Variants in DLG1 observed in about 807,000 individuals in gnomAD.
DLG1 encodes disks large homolog 1.
A neutral mutation model predicts 123.4 loss-of-function variants in DLG1; 42 were observed. The observed-to-expected ratio is 0.34, with a 90% CI of 0.27 to 0.44. The LOEUF is 0.44. Among genes scored for constraint, DLG1 ranks in the 20% least tolerant of loss-of-function variants. The pLI is 1.00. For missense variants in DLG1, 942 were observed against 1,082.6 expected, an observed-to-expected ratio of 0.87 and a Z score of 1.82; for synonymous variants, 317 against 356.2, an observed-to-expected ratio of 0.89 and a Z score of 1.24.
intron 8 of DLG1, among the ~76,000 whole-genome samples, chr3:197,139,323 A>T (rs1011901250): frequency 1.3e-5 from 2 of 152,188 alleles, no homozygotes; most frequent in African/African-American, 4.8e-5. Context: ...ATGAATGGTC[A>T]AATGATTAAT....
At chr3:197,272,271 A>G (rs1764223770) in intron 4 of DLG1, among the ~76,000 whole-genome samples, 1 of 152,042 alleles carries the variant, frequency 6.6e-6, no homozygotes, top group South Asian at 2.1e-4. Context: ...GGATAGCTTG[A>G]GCCCGTTAGT....
chr3:197,216,128 TTAAGA>T (rs756322479), intron 4 of DLG1, among the ~76,000 whole-genome samples: 8 of 152,230 alleles, frequency 5.3e-5, no homozygotes, highest in Non-Finnish European at 1.2e-4. Context: ...TTACTCTTTC[TTAAGA>T]TATTTCATAT....
intron 4 of DLG1, among the ~76,000 whole-genome samples, chr3:197,277,925 C>T (rs969206297): frequency 1.3e-5 from 2 of 151,622 alleles, no homozygotes; most frequent in Non-Finnish European, 2.9e-5. Flanking sequence ...CTGGAGACCA[C>T]CACCAGGAGT....
intron 3 of DLG1, among the ~76,000 whole-genome samples, chr3:197,292,208 G>A (rs1775270544): frequency 6.6e-6 from 1 of 152,184 alleles, no homozygotes; most frequent in African/African-American, 2.4e-5. Flanking sequence ...CCAGGAGGAG[G>A]AAGCAACCCA....
chr3:197,275,243 A>G (rs771952334), intron 4 of DLG1, among the ~76,000 whole-genome samples: 39 of 152,184 alleles, frequency 2.6e-4, no homozygotes, highest in Non-Finnish European at 4.4e-4. Context: ...GCTATTATCA[A>G]AAAGACCATA....
Position 197,043,027 on chromosome 3 carries a change from A to G in DLG1, c.*1596T>C, listed in dbSNP as rs1721076124. On this transcript the variant is annotated 3_prime_UTR_variant, in exon 25 of 25. Coordinates refer to ENST00000667157, the MANE Select transcript of DLG1 (RefSeq NM_001366207.1). ...CAAACCAGTACTCATTTAAGAAACT[A>G]ATGAGGAGGTTGTCAAAAACACATA... 6.6e-6 allele frequency: 1 copy of G among 152,236 alleles called. No individual in the cohort carries two copies. The highest frequency in any genetic ancestry group is 2.4e-5 in the African/African-American group (1 of 41,460). The allele number at this position is 152,236 out of a possible 1,614,324, so 9.4% of individuals were successfully genotyped here.
chr3:197,193,425 C>T (rs1720711749), intron 5 of DLG1, among the ~76,000 whole-genome samples: 1 of 152,184 alleles, frequency 6.6e-6, no homozygotes, highest in Non-Finnish European at 1.5e-5. Flanking sequence ...CTGGAAATGA[C>T]ACAGCTACTG....
At chr3:197,292,263 C>A (rs1283537832) in intron 3 of DLG1, among the ~76,000 whole-genome samples, 1 of 152,156 alleles carries the variant, frequency 6.6e-6, no homozygotes, top group African/African-American at 2.4e-5. Context: ...TATATACATA[C>A]AACGGAATAT....
intron 4 of DLG1, among the ~76,000 whole-genome samples, chr3:197,244,642 T>C (rs544045023): frequency 6.6e-6 from 1 of 151,900 alleles, no homozygotes; most frequent in South Asian, 2.1e-4. Flanking sequence ...CTCGGAACAA[T>C]AGCGCATGAC....
intron 4 of DLG1, among the ~76,000 whole-genome samples, chr3:197,237,278 A>G (rs925347664): frequency 6.6e-6 from 1 of 152,222 alleles, no homozygotes; most frequent in African/African-American, 2.4e-5. Context: ...TAGAACCCTA[A>G]GGAAGACACG....
Position 197,043,850 on chromosome 3 carries a change from C to A in DLG1, c.*773G>T, listed in dbSNP as rs1230503471. 6.6e-6 allele frequency: 1 copy of A among 152,054 alleles called. No individual in the cohort carries two copies. Among genetic ancestry groups the A allele is most frequent in the African/African-American group, 2.4e-5 (1 of 41,418 alleles). The allele number at this position is 152,054 out of a possible 1,614,324, so 9.4% of individuals were successfully genotyped here. A position where few individuals can be genotyped will look rare whatever the true frequency, so the allele number is the denominator to read the frequency against. On this transcript the variant is annotated 3_prime_UTR_variant, in exon 25 of 25. Transcript: ENST00000667157. ...TTTATATCTAGGAAATTTTCTCAAT[C>A]TTCTGTGTAAAAGGCGAACTTCCTT... is the stretch of plus-strand genomic sequence containing the variant.
At chr3:197,116,392 A>G (rs1773324450) in intron 12 of DLG1, among the ~76,000 whole-genome samples, 1 of 152,186 alleles carries the variant, frequency 6.6e-6, no homozygotes, top group Non-Finnish European at 1.5e-5. Flanking sequence ...ACTCATGAAA[A>G]GCTGATGTTG....
chr3:197,224,910 C>A (rs145628106), intron 4 of DLG1, among the ~76,000 whole-genome samples: 139 of 152,274 alleles, frequency 9.1e-4, no homozygotes, highest in African/African-American at 3.2e-3. Flanking sequence ...CCAAATACTA[C>A]GTTAGAGGGC....
At chr3:197,245,379 T>C (rs1751117801) in intron 4 of DLG1, among the ~76,000 whole-genome samples, 1 of 152,188 alleles carries the variant, frequency 6.6e-6, no homozygotes, top group African/African-American at 2.4e-5. Flanking sequence ...AGTAGATACT[T>C]TAGGCGGCCT....
chr3:197,084,988 C>T lies in DLG1; in HGVS notation c.1838+592G>A, dbSNP rs962778362. ...TTTTAGTAGAGACAGGCTTTCACCACGTTGGCCAGGCTCGTCTTGAACTCC... is the reference window on the plus strand; with the variant it reads ...TTTTAGTAGAGACAGGCTTTCACCATGTTGGCCAGGCTCGTCTTGAACTCC... On this transcript the variant is annotated intron_variant, in intron 16 of 24. Transcript: ENST00000667157. Among the ~76,000 whole-genome samples, 6 of 151,410 alleles carry T rather than the reference C, an allele frequency of 4.0e-5. No homozygotes were observed. In the East Asian group the frequency reaches 1.2e-3, roughly 30 times the overall value.
intron 13 of DLG1, among the ~76,000 whole-genome samples, chr3:197,109,158 C>T (rs370542273): frequency 1.4e-4 from 21 of 152,282 alleles, no homozygotes; most frequent in African/African-American, 4.3e-4. Context: ...TTGAGTACAA[C>T]ACTTTGAGGG....
rs147704455 is a variant in DLG1, at chr3:197,150,064, C to T, written c.484-268G>A. ...TTAAGTTTTACACAGATCACCATAG[C>T]CTTCTCATAAAACCCATGAATATTC... On this transcript the variant is annotated intron_variant, in intron 5 of 24. Transcript: ENST00000667157. Among the ~76,000 whole-genome samples, 45 of 152,226 alleles carry T rather than the reference C, an allele frequency of 3.0e-4. No homozygotes were observed. The East Asian group carries it at 7.7e-3, about 26-fold the overall frequency.
chr3:197,217,305 T>A (rs549069724), intron 4 of DLG1, among the ~76,000 whole-genome samples: 1 of 152,216 alleles, frequency 6.6e-6, no homozygotes, highest in African/African-American at 2.4e-5. Flanking sequence ...ATCATTCTAA[T>A]TGGTGTTGAT....
chr3:197,050,923 C>T (rs1727173155), intron 24 of DLG1, among the ~76,000 whole-genome samples: 1 of 152,042 alleles, frequency 6.6e-6, no homozygotes, highest in African/African-American at 2.4e-5. Flanking sequence ...TCAATTATAC[C>T]TCAACATGGC....
Sources: allele counts gnomAD v4.1 joint callset (sites outside exome capture counted in the v4.1 genomes callset), GRCh38; gene constraint gnomAD v4.1.1; transcripts MANE v1.5; gene names NCBI Gene and HGNC (gene_info 2026-07-23, HGNC 2026-07-21).